The following LY6S variants were observed in gnomAD, a reference collection of about 807,000 sequenced individuals.
LY6S encodes lymphocyte antigen 6 family member S, also known as lymphocyte antigen 6S.
At chr8:143,071,252 A>G in the LY6S span, among the ~76,000 whole-genome samples, 1 of 152,170 alleles carries the variant, frequency 6.6e-6, no homozygotes, top group African/African-American at 2.4e-5. Flanking sequence ...TGGACATGTC[A>G]GCTTAAAGCA....
chr8:143,065,103 T>C, the LY6S span, among the ~76,000 whole-genome samples: 3 of 152,304 alleles, frequency 2.0e-5, no homozygotes, highest in South Asian at 4.1e-4. Context: ...TTCTTGCTGA[T>C]GGATGTTGTC....
At chr8:143,068,293 T>C in the LY6S span, among the ~76,000 whole-genome samples, 1 of 152,232 alleles carries the variant, frequency 6.6e-6, no homozygotes, top group Non-Finnish European at 1.5e-5. Context: ...CTTGATTCAA[T>C]AGAGCATATG....
At chr8:143,070,797 T>A in the LY6S span, among the ~76,000 whole-genome samples, 1 of 152,074 alleles carries the variant, frequency 6.6e-6, no homozygotes, top group African/African-American at 2.4e-5. Context: ...AGTTGCCCTA[T>A]GTTTTTATGT....
chr8:143,070,978 T>C, the LY6S span, among the ~76,000 whole-genome samples: 2 of 151,876 alleles, frequency 1.3e-5, no homozygotes. Flanking sequence ...CAGAGTGTGG[T>C]GGGGAAAGGA....
At chr8:143,063,501 T>G in the LY6S span, among the ~76,000 whole-genome samples, 2 of 152,200 alleles carry the variant, frequency 1.3e-5, no homozygotes, top group African/African-American at 4.8e-5. Context: ...ATTGGTAAAG[T>G]CCTCGCTTCT....
chr8:143,043,737 G>C, the LY6S span, among the ~76,000 whole-genome samples: 1 of 152,086 alleles, frequency 6.6e-6, no homozygotes, highest in African/African-American at 2.4e-5. Context: ...GTGCAATGGG[G>C]CGATCTCTGC....
the LY6S span, among the ~76,000 whole-genome samples, chr8:143,065,319 T>A: frequency 4.6e-4 from 70 of 152,212 alleles, no homozygotes; most frequent in African/African-American, 1.4e-3. Flanking sequence ...TTTCTCTTCC[T>A]CCCCTGGGGA....
chr8:143,072,819 C>A, the LY6S span, among the ~76,000 whole-genome samples: 3 of 142,480 alleles, frequency 2.1e-5, no homozygotes, highest in East Asian at 2.1e-4. Context: ...AGCCGTCGTC[C>A]TCGGGATTCC....
At chr8:143,070,446 G>GTATATATATATATATAA in the LY6S span, among the ~76,000 whole-genome samples, 34 of 69,510 alleles carry the variant, frequency 4.9e-4, no homozygotes, top group African/African-American at 2.9e-3. Flanking sequence ...TATATATATT[G>GTATATATATATATATAA]TATATATATA....
At chr8:143,067,591 A>G in the LY6S span, among the ~76,000 whole-genome samples, 1 of 152,218 alleles carries the variant, frequency 6.6e-6, no homozygotes, top group Non-Finnish European at 1.5e-5. Context: ...CCGGCACTTA[A>G]CATGCGAGGA....
At chr8:143,054,223 G>A in the LY6S span, 3 of 139,518 alleles carry the variant, frequency 2.2e-5, no homozygotes, top group South Asian at 2.3e-4. Context: ...AGAGAATGGC[G>A]AACCTAGGAG....
the LY6S span, among the ~76,000 whole-genome samples, chr8:143,056,828 G>A: frequency 8.6e-4 from 131 of 152,178 alleles, no homozygotes; most frequent in African/African-American, 1.5e-3. Flanking sequence ...TTCAGGCATC[G>A]CTGATATTTT....
At chr8:143,055,892 C>T in the LY6S span, among the ~76,000 whole-genome samples, 3 of 152,036 alleles carry the variant, frequency 2.0e-5, no homozygotes, top group Non-Finnish European at 4.4e-5. Context: ...AGTAAGGCGG[C>T]AGTGAATGCT....
chr8:143,068,124 T>C, the LY6S span, among the ~76,000 whole-genome samples: 4 of 152,116 alleles, frequency 2.6e-5, no homozygotes, highest in Non-Finnish European at 4.4e-5. Flanking sequence ...CCTTGGTCAA[T>C]ACGCAGGCTT....
At chr8:143,070,464 A>ACATAT in the LY6S span, among the ~76,000 whole-genome samples, 2 of 34,212 alleles carry the variant, frequency 5.8e-5, no homozygotes, top group African/African-American at 2.2e-4. Context: ...ATATATATAT[A>ACATAT]ATATATATAT....
chr8:143,064,509 C>T, the LY6S span, among the ~76,000 whole-genome samples: 1 of 152,080 alleles, frequency 6.6e-6, no homozygotes, highest in African/African-American at 2.4e-5. Context: ...CCCAGTTTTT[C>T]GATTGCAAGC....
At chr8:143,046,586 A>C in the LY6S span, among the ~76,000 whole-genome samples, 1 of 152,058 alleles carries the variant, frequency 6.6e-6, no homozygotes, top group East Asian at 1.9e-4. Context: ...TCAAAAAAAA[A>C]AAAAAAAAAT....
chr8:143,047,916 G>A, the LY6S span: 4 of 152,322 alleles, frequency 2.6e-5, no homozygotes, highest in Non-Finnish European at 1.5e-5. Flanking sequence ...CTCTCAGGGC[G>A]TCCTATCTCT....
At chr8:143,055,202 T>TTG in the LY6S span, among the ~76,000 whole-genome samples, 3 of 151,822 alleles carry the variant, frequency 2.0e-5, no homozygotes, top group South Asian at 2.1e-4. Flanking sequence ...GTTTTTTTTT[T>TTG]TTGTTGTTGT....
Sources: allele counts gnomAD v4.1 joint callset (sites outside exome capture counted in the v4.1 genomes callset), GRCh38; gene constraint gnomAD v4.1.1; transcripts MANE v1.5; gene names NCBI Gene and HGNC (gene_info 2026-07-23, HGNC 2026-07-21).